Variants in RETREG1 observed in about 807,000 individuals in gnomAD.
The protein encoded by RETREG1 is reticulophagy regulator 1, also known as family with sequence similarity 134 member B.
In RETREG1, 44 loss-of-function variants were observed where a neutral mutation model predicts 54.8. That is an observed-to-expected ratio of 0.80 (90% CI 0.63 to 1.03). The LOEUF is 1.03. RETREG1 is among the 50% of genes least tolerant of loss of function. The pLI is 0.00. For synonymous variants in RETREG1, 217 were observed against 238.5 expected (o/e 0.91, Z 0.83); for missense variants, 554 against 605.1 (o/e 0.92, Z 0.89).
intron 1 of RETREG1, among the ~76,000 whole-genome samples, chr5:16,586,350 T>C (rs533222164): frequency 1.3e-5 from 2 of 152,362 alleles, no homozygotes; most frequent in South Asian, 4.1e-4. Context: ...AGGTCTAGCA[T>C]GGCCAGTGAG....
chr5:16,581,557 ACACACAC>A (rs1742479959), intron 1 of RETREG1, among the ~76,000 whole-genome samples: 3 of 146,554 alleles, frequency 2.0e-5, no homozygotes, highest in South Asian at 2.2e-4. Context: ...ACACACACAC[ACACACAC>A]AAAACACACA....
chr5:16,481,989 G>T (rs1738793430), intron 4 of RETREG1, among the ~76,000 whole-genome samples: 1 of 152,050 alleles, frequency 6.6e-6, no homozygotes, highest in Non-Finnish European at 1.5e-5. Context: ...GATACAGGAG[G>T]AAGGAATACA....
intron 1 of RETREG1, among the ~76,000 whole-genome samples, chr5:16,608,667 T>C (rs1388787045): frequency 6.6e-6 from 1 of 152,112 alleles, no homozygotes; most frequent in African/African-American, 2.4e-5. Flanking sequence ...GGGCTTCTGG[T>C]ATACCCCCTG....
At chr5:16,531,488 C>G (rs983023304) in intron 3 of RETREG1, among the ~76,000 whole-genome samples, 15 of 152,114 alleles carry the variant, frequency 9.9e-5, no homozygotes, top group African/African-American at 3.4e-4. Context: ...GCGGAGAACA[C>G]AGATAAATCA....
At chr5:16,586,858 G>A (rs55686843) in intron 1 of RETREG1, among the ~76,000 whole-genome samples, 2,683 of 152,264 alleles carry the variant, frequency 0.018, 38 homozygotes, top group Middle Eastern at 0.048. Flanking sequence ...CCAACACTAA[G>A]GCCTTAGCAG....
At chr5:16,610,243 G>A (rs1418704003) in intron 1 of RETREG1, among the ~76,000 whole-genome samples, 2 of 152,200 alleles carry the variant, frequency 1.3e-5, no homozygotes, top group Non-Finnish European at 2.9e-5. Flanking sequence ...AGCCTGAGAC[G>A]CCTGAAAAGT....
chr5:16,497,675 C>T (rs1000159396), intron 3 of RETREG1, among the ~76,000 whole-genome samples: 1 of 152,172 alleles, frequency 6.6e-6, no homozygotes, highest in Admixed American at 6.5e-5. Flanking sequence ...GATTATCACC[C>T]TCTGTCCTCA....
In RETREG1 at chr5:16,594,640, G is replaced by A. The variant is rs1272178021; in HGVS notation, c.320+22012C>T. On this transcript the variant is annotated intron_variant, in intron 1 of 8. Transcript: ENST00000306320. The surrounding 1 kb of genome is among the most constrained non-coding windows in gnomAD (Gnocchi z 4.4). ...CTCGGGAGGCTGAGGCAGGAAAATC[G>A]CTTGAATCCAGGAGGCGGAGACTGC... 2.0e-5 allele frequency among the ~76,000 whole-genome samples: 3 copies of A among 152,096 alleles called. No homozygotes were observed. Among genetic ancestry groups the A allele is most frequent in the African/African-American group, 7.2e-5 (3 of 41,402 alleles).
At chr5:16,492,800 A>G (rs2126536194) in intron 3 of RETREG1, among the ~76,000 whole-genome samples, 1 of 152,358 alleles carries the variant, frequency 6.6e-6, no homozygotes, top group East Asian at 1.9e-4. Context: ...GAAACAAAAT[A>G]AAAACAGATA....
intron 3 of RETREG1, 40 bp downstream of exon 3, chr5:16,565,723 C>T: frequency 1.2e-6 from 2 of 1,611,990 alleles, no homozygotes; most frequent in East Asian, 2.2e-5. Context: ...CTCCCTCACC[C>T]TCCCTCCATT....
At chr5:16,481,689 C>T (rs1286062706) in intron 4 of RETREG1, among the ~76,000 whole-genome samples, 1 of 152,002 alleles carries the variant, frequency 6.6e-6, no homozygotes, top group Non-Finnish European at 1.5e-5. Context: ...ACTTCTAAGT[C>T]ACCTAGAAAA....
chr5:16,568,272 GA>G (rs1164977478), intron 2 of RETREG1, among the ~76,000 whole-genome samples: 1 of 82,772 alleles, frequency 1.2e-5, no homozygotes, highest in East Asian at 3.4e-4. Flanking sequence ...TGATATCACT[GA>G]CTTTTTTTTT....
At chr5:16,545,222 A>G (rs757870339) in intron 3 of RETREG1, among the ~76,000 whole-genome samples, 6 of 152,074 alleles carry the variant, frequency 3.9e-5, no homozygotes, top group Non-Finnish European at 8.8e-5. Context: ...CATTCTTGCA[A>G]TGTGATGAAA....
intron 3 of RETREG1, among the ~76,000 whole-genome samples, chr5:16,555,239 T>C (rs1186929489): frequency 6.6e-6 from 1 of 152,142 alleles, no homozygotes; most frequent in African/African-American, 2.4e-5. Flanking sequence ...GCAACCTCCA[T>C]CTCCCAGGCT....
At chr5:16,527,606 A>T (rs1397103756) in intron 3 of RETREG1, among the ~76,000 whole-genome samples, 4 of 152,088 alleles carry the variant, frequency 2.6e-5, no homozygotes, top group African/African-American at 7.2e-5. Context: ...TCAAAAAGAG[A>T]AGAAGAAGAA....
At chr5:16,523,047 G>GAT (rs1740588214) in intron 3 of RETREG1, among the ~76,000 whole-genome samples, 1 of 151,996 alleles carries the variant, frequency 6.6e-6, no homozygotes, top group Non-Finnish European at 1.5e-5. Flanking sequence ...GAGAGAGAGA[G>GAT]AGAGGGAAGA....
At chr5:16,504,883 A>G (rs1487114788) in intron 3 of RETREG1, among the ~76,000 whole-genome samples, 4 of 152,018 alleles carry the variant, frequency 2.6e-5, no homozygotes, top group African/African-American at 9.7e-5. Context: ...TCTCCTCCTC[A>G]CCCGATTTTT....
At chr5:16,497,538 G>A (rs1739511691) in intron 3 of RETREG1, among the ~76,000 whole-genome samples, 1 of 152,210 alleles carries the variant, frequency 6.6e-6, no homozygotes, top group Non-Finnish European at 1.5e-5. Flanking sequence ...CCTGGGTAAA[G>A]TCGCCAAGGT....
rs550515196 is a variant in RETREG1, at chr5:16,566,244, G to C, written c.428-451C>G. Among the ~76,000 whole-genome samples the C allele has an allele frequency of 3.9e-5, 6 of 152,306 alleles. No homozygotes were observed. In the South Asian group the frequency reaches 1.2e-3, roughly 32 times the overall value. ...AGAAATGGCATTTAAGGTGAGTCTT[G>C]ACATGGTGCCGACAAAAGGAGAACT... is the stretch of plus-strand genomic sequence containing the variant. On this transcript the variant is annotated intron_variant, in intron 2 of 8. Coordinates refer to ENST00000306320, the MANE Select transcript of RETREG1 (RefSeq NM_001034850.3).
Sources: allele counts gnomAD v4.1 joint callset (sites outside exome capture counted in the v4.1 genomes callset), GRCh38; gene constraint gnomAD v4.1.1; non-coding constraint Gnocchi (gnomAD v3.1); transcripts MANE v1.5; gene names NCBI Gene and HGNC (gene_info 2026-07-23, HGNC 2026-07-21).